FTO: variants seen among roughly 807,000 people sequenced by gnomAD.
FTO encodes alpha-ketoglutarate-dependent dioxygenase FTO.
In FTO, 47 loss-of-function variants were observed where a neutral mutation model predicts 63.9. The observed-to-expected ratio is 0.74, with a 90% CI of 0.58 to 0.94. The LOEUF is 0.94. FTO is among the 40% of genes least tolerant of loss of function. The pLI, the probability that FTO is intolerant of heterozygous loss-of-function variation, is 0.00. For synonymous variants in FTO, 207 were observed against 224.4 expected, an observed-to-expected ratio of 0.92 and a Z score of 0.69; for missense variants, 562 against 618.1, an observed-to-expected ratio of 0.91 and a Z score of 0.96.
At chr16:53,779,419 G>A (rs1332955690) in intron 1 of FTO, among the ~76,000 whole-genome samples, 1 of 152,138 alleles carries the variant, frequency 6.6e-6, no homozygotes, top group Non-Finnish European at 1.5e-5. Context: ...TTAAAGAAGA[G>A]TGATCCCTTT....
chr16:53,816,629 T>C (rs6499647), intron 2 of FTO, among the ~76,000 whole-genome samples: 2,423 of 152,266 alleles, frequency 0.016, 73 homozygotes, highest in African/African-American at 0.055. Context: ...CCCAGGCATC[T>C]GCAGATATTG....
At chr16:53,760,240 GTGTGTGTGTGT>G (rs2077032288) in intron 1 of FTO, among the ~76,000 whole-genome samples, 1 of 15,414 alleles carries the variant, frequency 6.5e-5, no homozygotes, top group African/African-American at 1.2e-3. Flanking sequence ...GTGTGTGTGT[GTGTGTGTGTGT>G]GTGTGTGTGT....
intron 8 of FTO, among the ~76,000 whole-genome samples, chr16:53,976,991 T>C (rs1310678700): frequency 6.6e-6 from 1 of 152,144 alleles, no homozygotes; most frequent in Non-Finnish European, 1.5e-5. Context: ...TGTTGGTCTC[T>C]TTTTCCTGTC....
chr16:53,802,846 A>G (rs1394898096), intron 1 of FTO, among the ~76,000 whole-genome samples: 1 of 152,282 alleles, frequency 6.6e-6, no homozygotes, highest in Non-Finnish European at 1.5e-5. Flanking sequence ...ATTATTATCC[A>G]GTGTATCTTG....
rs370326913 is a variant in FTO at position 54,021,615 on chromosome 16, G to C, written c.1364+87506G>C. ...AGCAATTCTCCTGCCTCAGCCTCCT[G>C]AGTAGCTGGGACTACAGGAGCACAC... On this transcript the variant is annotated intron_variant, in intron 8 of 8. Coordinates refer to ENST00000471389, the MANE Select transcript of FTO (RefSeq NM_001080432.3). 8.5e-5 allele frequency among the ~76,000 whole-genome samples: 13 copies of C among 152,208 alleles called. No homozygotes were observed. In the East Asian group the frequency reaches 2.5e-3, roughly 29 times the overall value.
intron 8 of FTO, among the ~76,000 whole-genome samples, chr16:53,976,527 C>T (rs2083441852): frequency 6.6e-6 from 1 of 151,920 alleles, no homozygotes; most frequent in Admixed American, 6.6e-5. Flanking sequence ...CCTCCATTTT[C>T]TTTTTAGAAA....
intron 8 of FTO, among the ~76,000 whole-genome samples, chr16:53,983,073 G>A (rs901452397): frequency 3.9e-5 from 6 of 151,948 alleles, no homozygotes; most frequent in South Asian, 2.1e-4. Flanking sequence ...GCTAGCTAGC[G>A]GAAAATATGT....
chr16:53,858,660 C>CA (rs1555486352), intron 4 of FTO, among the ~76,000 whole-genome samples: 3 of 150,936 alleles, frequency 2.0e-5, no homozygotes, highest in African/African-American at 7.3e-5. Context: ...GCTTTCTTTT[C>CA]TTTTTTTTTC....
At chr16:53,798,033 G>T (rs183174492) in intron 1 of FTO, among the ~76,000 whole-genome samples, 1 of 152,120 alleles carries the variant, frequency 6.6e-6, no homozygotes, top group Admixed American at 6.5e-5. Flanking sequence ...TTCTTTAAAA[G>T]ATATAGATAT....
intron 8 of FTO, among the ~76,000 whole-genome samples, chr16:53,942,453 C>T (rs1326328093): frequency 6.6e-6 from 1 of 152,100 alleles, no homozygotes; most frequent in Non-Finnish European, 1.5e-5. Flanking sequence ...TGAAATGGAG[C>T]TGGGTGAGAA....
At chr16:54,080,923 C>T (rs185175608) in intron 8 of FTO, among the ~76,000 whole-genome samples, 132 of 152,216 alleles carry the variant, frequency 8.7e-4, no homozygotes, top group African/African-American at 2.9e-3. Context: ...TGCTTGGAGG[C>T]GTCACAAGCT....
intron 8 of FTO, among the ~76,000 whole-genome samples, chr16:53,968,973 A>G (rs2083257036): frequency 6.6e-6 from 1 of 152,182 alleles, no homozygotes; most frequent in African/African-American, 2.4e-5. Flanking sequence ...ATTCACAACT[A>G]CACTATGGGG....
chr16:54,084,022 T>G (rs964918602), intron 8 of FTO, among the ~76,000 whole-genome samples: 15 of 152,164 alleles, frequency 9.9e-5, no homozygotes, highest in African/African-American at 3.6e-4. Flanking sequence ...TGAAAGGAAA[T>G]GCCCATTGGA....
intron 7 of FTO, chr16:53,911,327 A>G: frequency 1.4e-6 from 1 of 701,382 alleles, no homozygotes; most frequent in Non-Finnish European, 2.6e-6. Context: ...TCAGTGGAAC[A>G]GCCAGAGATA....
intron 8 of FTO, among the ~76,000 whole-genome samples, chr16:53,982,714 A>G (rs2083575736): frequency 6.6e-6 from 1 of 152,186 alleles, no homozygotes; most frequent in Non-Finnish European, 1.5e-5. Context: ...CTGAATCTCT[A>G]CAATGCTTTG....
intron 4 of FTO, among the ~76,000 whole-genome samples, chr16:53,857,443 TCTCTCTCTCTC>T (rs2080036712): frequency 2.7e-5 from 4 of 147,762 alleles, no homozygotes; most frequent in African/African-American, 1.0e-4. Context: ...GAACCTGGTC[TCTCTCTCTCTC>T]TCTCTCTCTC....
chr16:53,829,842 C>A (rs1361003971), intron 3 of FTO, among the ~76,000 whole-genome samples: 1 of 152,132 alleles, frequency 6.6e-6, no homozygotes, highest in Non-Finnish European at 1.5e-5. Context: ...TGATTCTAGC[C>A]TTTCATTTTA....
chr16:53,728,760 A>T (rs1598503936), intron 1 of FTO, among the ~76,000 whole-genome samples: 1 of 132,006 alleles, frequency 7.6e-6, no homozygotes, highest in Non-Finnish European at 1.6e-5. Flanking sequence ...AGGGGACCAT[A>T]CTTCTTTTTT....
intron 8 of FTO, chr16:54,070,484 C>T (rs1446676435): frequency 1.3e-5 from 2 of 152,166 alleles, no homozygotes; most frequent in Non-Finnish European, 2.9e-5. Context: ...CCTCCCCACA[C>T]CTTCTATCCA....
Sources: allele counts gnomAD v4.1 joint callset (sites outside exome capture counted in the v4.1 genomes callset), GRCh38; gene constraint gnomAD v4.1.1; transcripts MANE v1.5; gene names NCBI Gene and HGNC (gene_info 2026-07-23, HGNC 2026-07-21).